The following CACNA1A variants were observed in gnomAD, a reference collection of about 807,000 sequenced individuals.
The protein encoded by CACNA1A is calcium voltage-gated channel subunit alpha1 A.
In CACNA1A, 57 loss-of-function variants were observed where a neutral mutation model predicts 262.4. The ratio of observed to expected loss-of-function variants is 0.22; its 90% CI spans 0.18 to 0.27. The LOEUF (loss-of-function observed/expected upper bound fraction) is 0.27. CACNA1A is among the 10% of genes least tolerant of loss of function. CACNA1A has a pLI of 1.00. For synonymous variants in CACNA1A, 1,431 were observed against 1,419.3 expected, an observed-to-expected ratio of 1.01 and a Z score of -0.18; for missense variants, 2,526 against 3,562.8, an observed-to-expected ratio of 0.71 and a Z score of 7.41.
chr19:13,294,115 T>A (rs1178281270), intron 19 of CACNA1A, among the ~76,000 whole-genome samples: 1 of 147,316 alleles, frequency 6.8e-6, no homozygotes, highest in Admixed American at 6.8e-5. Context: ...TTGGTCTTTC[T>A]TTTTTTTTTA....
intron 3 of CACNA1A, among the ~76,000 whole-genome samples, chr19:13,394,435 T>G (rs967355773): frequency 6.6e-6 from 1 of 152,206 alleles, no homozygotes; most frequent in African/African-American, 2.4e-5. Context: ...AAGAAACAGT[T>G]GGAAGATCTC....
At position 13,207,993 on chromosome 19, in the gene CACNA1A, G is replaced by T; in HGVS notation, c.6841C>A (p.Arg2281=). ...GTCTGGGGGAGCTGGCGGCGGCCCC[G>T]CCGCGGAGTGCTGGTACCAGATGTT... ...PSTSGTSTPR[R]GRRQLPQTPS... The change falls in exon 47 of 47, where the codon CGG becomes AGG. Residue 2281 remains arginine, a synonymous_variant. Coordinates refer to ENST00000360228, the MANE Select transcript of CACNA1A (RefSeq NM_001127222.2). This position sits in a 1 kb window ranked among gnomAD's most constrained non-coding sequence, Gnocchi z 5.7. 1 of 1,333,680 alleles carries T rather than the reference G, an allele frequency of 7.5e-7. No individual in the cohort carries two copies. Among genetic ancestry groups the T allele is most frequent in the Non-Finnish European group, 9.6e-7 (1 of 1,046,828 alleles). The allele number at this position is 1,333,680 out of a possible 1,614,324, so 82.6% of individuals were successfully genotyped here.
At chr19:13,464,797 C>G (rs1052611486) in intron 1 of CACNA1A, among the ~76,000 whole-genome samples, 41 of 152,270 alleles carry the variant, frequency 2.7e-4, no homozygotes, top group African/African-American at 9.4e-4. Context: ...ATCTGCCCAC[C>G]TTGGCCTCCC....
chr19:13,250,102 C>T (rs1210671039), intron 30 of CACNA1A, among the ~76,000 whole-genome samples: 1 of 151,948 alleles, frequency 6.6e-6, no homozygotes. Flanking sequence ...CTCTGTCACC[C>T]AGGCTGGAGT....
chr19:13,503,815 C>T (rs1310383866), intron 1 of CACNA1A, among the ~76,000 whole-genome samples: 1 of 152,012 alleles, frequency 6.6e-6, no homozygotes, highest in Non-Finnish European at 1.5e-5. Flanking sequence ...AATGCACAAA[C>T]TCATCATAAG....
At position 13,454,386 on chromosome 19, in the gene CACNA1A, C is replaced by T. The variant is rs973086779; in HGVS notation, c.399+721G>A. Among the ~76,000 whole-genome samples, 5 of 151,822 alleles carry T rather than the reference C, an allele frequency of 3.3e-5. No individual in the cohort carries two copies. The East Asian group carries it at 9.9e-4, about 30-fold the overall frequency. Reference sequence around the variant, plus strand: ...TTTCTTTTTTTTCGCCTCCCCCCCACCAAGATGGAGTTTCACTCCTGTTGC... The same window carrying T: ...TTTCTTTTTTTTCGCCTCCCCCCCATCAAGATGGAGTTTCACTCCTGTTGC... On this transcript the variant is annotated intron_variant, in intron 2 of 46. Transcript: ENST00000360228.
intron 22 of CACNA1A, among the ~76,000 whole-genome samples, chr19:13,281,913 C>A (rs2057301592): frequency 6.6e-6 from 1 of 152,320 alleles, no homozygotes; most frequent in South Asian, 2.1e-4. Context: ...GCCGTGCCCC[C>A]TGGATCATCC....
intron 29 of CACNA1A, among the ~76,000 whole-genome samples, chr19:13,253,844 A>G (rs972882949): frequency 5.3e-5 from 8 of 151,946 alleles, no homozygotes; most frequent in African/African-American, 1.9e-4. Context: ...GGTTCAAGCG[A>G]TTCTCATGCC....
intron 1 of CACNA1A, among the ~76,000 whole-genome samples, chr19:13,503,809 C>T (rs1031443232): frequency 4.6e-5 from 7 of 152,036 alleles, no homozygotes; most frequent in Admixed American, 3.3e-4. Flanking sequence ...GAGCATAATG[C>T]ACAAACTCAT....
chr19:13,223,708 C>G (rs1418703527), intron 38 of CACNA1A, among the ~76,000 whole-genome samples: 1 of 152,174 alleles, frequency 6.6e-6, no homozygotes, highest in African/African-American at 2.4e-5. Context: ...ACCCCTCTGT[C>G]AGGGCCTTTG....
At chr19:13,471,436 G>A (rs1294590935) in intron 1 of CACNA1A, among the ~76,000 whole-genome samples, 2 of 152,092 alleles carry the variant, frequency 1.3e-5, no homozygotes, top group African/African-American at 4.8e-5. Flanking sequence ...GACCTTCCCA[G>A]TTCCTACATC....
chr19:13,347,204 ATG>A (rs2058808396), intron 6 of CACNA1A, among the ~76,000 whole-genome samples: 1 of 151,462 alleles, frequency 6.6e-6, no homozygotes, highest in Non-Finnish European at 1.5e-5. Flanking sequence ...GCCTACAGGC[ATG>A]CTCCACCATG....
intron 35 of CACNA1A, 64 bp from the exon 36 acceptor site, chr19:13,230,273 G>C: frequency 6.3e-7 from 1 of 1,577,762 alleles, no homozygotes; most frequent in Non-Finnish European, 8.7e-7. Flanking sequence ...ATGAGTGAGT[G>C]AGAAGGATAC....
chr19:13,497,583 T>TAAA, intron 1 of CACNA1A, among the ~76,000 whole-genome samples: 1 of 83,132 alleles, frequency 1.2e-5, no homozygotes, highest in Non-Finnish European at 2.2e-5. Context: ...TATATATAAA[T>TAAA]TTATGTTGTT....
At chr19:13,483,177 A>G (rs1225587309) in intron 1 of CACNA1A, among the ~76,000 whole-genome samples, 2 of 152,020 alleles carry the variant, frequency 1.3e-5, no homozygotes, top group Non-Finnish European at 2.9e-5. Context: ...CTTTTCCTAC[A>G]GGCCGGAAGT....
At chr19:13,279,360 A>G (rs2057229331) in intron 22 of CACNA1A, among the ~76,000 whole-genome samples, 1 of 152,172 alleles carries the variant, frequency 6.6e-6, no homozygotes, top group African/African-American at 2.4e-5. Context: ...CACAACCCCA[A>G]TAAGATCTCA....
chr19:13,504,247 G>T (rs1982748454), intron 1 of CACNA1A, among the ~76,000 whole-genome samples: 1 of 152,186 alleles, frequency 6.6e-6, no homozygotes, highest in South Asian at 2.1e-4. Context: ...GCCTGGGATG[G>T]TGAGGAATTG....
In CACNA1A at chr19:13,207,265, T is replaced by G. The variant is rs1435545115; in HGVS notation, c.*48A>C. On this transcript the variant is annotated 3_prime_UTR_variant, in exon 47 of 47. Coordinates refer to ENST00000360228, the MANE Select transcript of CACNA1A (RefSeq NM_001127222.2). This position sits in a 1 kb window ranked among gnomAD's most constrained non-coding sequence, Gnocchi z 5.7. Reference sequence around the variant, plus strand: ...TCTGCGCGGCTCCTCGGGTGGGGTGTGTGCGTGGGGTGCGTGGGGGGCCGG... The same window carrying G: ...TCTGCGCGGCTCCTCGGGTGGGGTGGGTGCGTGGGGTGCGTGGGGGGCCGG... The G allele has an allele frequency of 1.4e-5, 21 of 1,487,674 alleles. No individual in the cohort carries two copies. The highest frequency in any genetic ancestry group is 1.6e-5 in the Non-Finnish European group (18 of 1,123,498). 92.2% of individuals were successfully genotyped at this position (1,487,674 alleles called of 1,614,324 possible). A position where few individuals can be genotyped will look rare whatever the true frequency, so the allele number is the denominator to read the frequency against.
At position 13,308,092 on chromosome 19, in the gene CACNA1A, G is replaced by A. The variant is rs2057945999; in HGVS notation, c.1913+28C>T. The stretch of plus-strand genomic sequence containing the variant: ...CCCTGAGCCTGACCCCAGGGAACCA[G>A]GAGTTGGAATTCCTGTGAAGGACTT... On this transcript the variant is annotated intron_variant, in intron 14 of 46. Coordinates refer to ENST00000360228, the MANE Select transcript of CACNA1A (RefSeq NM_001127222.2). This position sits in a 1 kb window ranked among gnomAD's most constrained non-coding sequence, Gnocchi z 4.2. 1 of 1,613,026 alleles carries A rather than the reference G, an allele frequency of 6.2e-7. No individual in the cohort carries two copies. Among genetic ancestry groups the A allele is most frequent in the African/African-American group, 1.3e-5 (1 of 74,894 alleles).
Sources: gnomAD v4.1 joint callset for allele counts (sites outside exome capture counted in the v4.1 genomes callset) on GRCh38, gnomAD v4.1.1 for gene constraint, Gnocchi (gnomAD v3.1) non-coding constraint, MANE v1.5 for transcripts, NCBI Gene and HGNC (gene_info 2026-07-23, HGNC 2026-07-21) for gene names.